The following MMP26 variants were observed in gnomAD, a reference collection of about 807,000 sequenced individuals.
MMP26 encodes the protein matrix metallopeptidase 26, also known as matrix metalloproteinase-26.
MMP26 carries 33 observed loss-of-function variants against 31.0 expected under a neutral mutation model. That is an observed-to-expected ratio of 1.06 (90% CI 0.81 to 1.42). The LOEUF (loss-of-function observed/expected upper bound fraction) is 1.42. Among genes scored for constraint, MMP26 ranks in the 40% most tolerant of loss-of-function variants. MMP26 has a pLI of 0.00. For missense variants in MMP26, 347 were observed against 316.1 expected, an observed-to-expected ratio of 1.10 and a Z score of -0.74; for synonymous variants, 122 against 114.9, an observed-to-expected ratio of 1.06 and a Z score of -0.40.
intron 2 of MMP26, among the ~76,000 whole-genome samples, chr11:4,892,482 A>T (rs1850639468): frequency 1.3e-5 from 2 of 152,182 alleles, no homozygotes; most frequent in Admixed American, 1.3e-4. Context: ...TGTGTCTGCC[A>T]TCCACAGTAG....
intron 2 of MMP26, among the ~76,000 whole-genome samples, chr11:4,926,382 T>A (rs1488851414): frequency 3.9e-5 from 6 of 152,148 alleles, no homozygotes; most frequent in African/African-American, 1.4e-4. Context: ...CAAGCCCTTA[T>A]GGGAGAGAGA....
At chr11:4,858,360 T>G (rs1256374527) in intron 2 of MMP26, among the ~76,000 whole-genome samples, 1 of 152,198 alleles carries the variant, frequency 6.6e-6, no homozygotes, top group Non-Finnish European at 1.5e-5. Context: ...CTTAAGCTGA[T>G]AAGCAGCTTC....
At chr11:4,898,684 T>C (rs1444722510) in intron 2 of MMP26, among the ~76,000 whole-genome samples, 1 of 152,204 alleles carries the variant, frequency 6.6e-6, no homozygotes, top group African/African-American at 2.4e-5. Flanking sequence ...AAAGTGTCCA[T>C]AGGTATGTTT....
intron 1 of MMP26, among the ~76,000 whole-genome samples, chr11:4,709,110 C>T (rs1847823563): frequency 6.6e-6 from 1 of 152,026 alleles, no homozygotes; most frequent in African/African-American, 2.4e-5. Flanking sequence ...GTCACATGGA[C>T]TTATAAACTT....
chr11:4,913,656 C>T (rs1012230064), intron 2 of MMP26: 5 of 152,224 alleles, frequency 3.3e-5, no homozygotes, highest in Admixed American at 2.0e-4. Context: ...GTCAGTACCT[C>T]AATCTGTTTC....
intron 2 of MMP26, among the ~76,000 whole-genome samples, chr11:4,844,592 A>G (rs534956328): frequency 6.6e-6 from 1 of 152,294 alleles, no homozygotes; most frequent in African/African-American, 2.4e-5. Flanking sequence ...TCCCTGGGAC[A>G]CAAGAATGGT....
rs185724480 is a variant in MMP26, at chr11:4,845,455, A to G, written c.-145+78114A>G. Among the ~76,000 whole-genome samples the G allele has an allele frequency of 3.3e-3, 509 of 152,256 alleles. 1 individual carries two copies. Among genetic ancestry groups the G allele is most frequent in the Non-Finnish European group, 4.8e-3 (325 of 67,954 alleles). On this transcript the variant is annotated intron_variant, in intron 2 of 7. Transcript: ENST00000380390. ...AATAACCAGAATAGCCAAATTATTTAAGTGAAAACTACTACAGAAAACTTT... is the reference window on the plus strand; with the variant it reads ...AATAACCAGAATAGCCAAATTATTTGAGTGAAAACTACTACAGAAAACTTT...
chr11:4,965,988 G>A (rs58983267), intron 2 of MMP26, among the ~76,000 whole-genome samples: 3,234 of 152,076 alleles, frequency 0.021, 97 homozygotes, highest in African/African-American at 0.074. Context: ...TTTTTATACC[G>A]TTTAAGCACC....
chr11:4,731,923 T>C (rs77334976), intron 1 of MMP26, among the ~76,000 whole-genome samples: 9,976 of 152,230 alleles, frequency 0.066, 397 homozygotes, highest in Non-Finnish European at 0.096. Flanking sequence ...GACTATTAGC[T>C]CTTTATCTGG....
chr11:4,979,049 A>G (rs1460359043), intron 2 of MMP26, among the ~76,000 whole-genome samples: 1 of 152,132 alleles, frequency 6.6e-6, no homozygotes, highest in African/African-American at 2.4e-5. Flanking sequence ...GTCACAAAAT[A>G]TAGAATTTAA....
chr11:4,778,898 A>T (rs1848823194), intron 2 of MMP26, among the ~76,000 whole-genome samples: 1 of 151,994 alleles, frequency 6.6e-6, no homozygotes, highest in Non-Finnish European at 1.5e-5. Context: ...ATAGACATAC[A>T]ATTGATAGTT....
At position 4,726,386 on chromosome 11, in the gene MMP26, C is replaced by T. The variant is rs1003372683; in HGVS notation, c.-217+21341C>T. Among the ~76,000 whole-genome samples, 3 of 151,744 alleles carry T rather than the reference C, an allele frequency of 2.0e-5. No individual in the cohort carries two copies. In the East Asian group the frequency reaches 5.8e-4, roughly 30 times the overall value. ...CTGAGGCACGAGAATCACTCGAACC[C>T]GGGAGACGGAGGTTGAAATGAGCCG... On this transcript the variant is annotated intron_variant, in intron 1 of 7. Coordinates refer to ENST00000380390, the MANE Select transcript of MMP26 (RefSeq NM_021801.5).
chr11:4,925,919 G>A lies in MMP26; in HGVS notation c.-144-62149G>A, dbSNP rs115359890. Among the ~76,000 whole-genome samples the A allele has an allele frequency of 4.5e-3, 688 of 152,254 alleles. 6 individuals carry two copies. The highest frequency in any genetic ancestry group is 0.016 in the African/African-American group (655 of 41,550). ...CATTGTAAGGGCTTACCTTATTAGTGGGTGAGGAGGATTAAGTAAAAAGTT... is the reference window on the plus strand; with the variant it reads ...CATTGTAAGGGCTTACCTTATTAGTAGGTGAGGAGGATTAAGTAAAAAGTT... On this transcript the variant is annotated intron_variant, in intron 2 of 7. Coordinates refer to ENST00000380390, the MANE Select transcript of MMP26 (RefSeq NM_021801.5).
chr11:4,790,362 C>CA (rs1238751053), intron 2 of MMP26, among the ~76,000 whole-genome samples: 19 of 151,280 alleles, frequency 1.3e-4, no homozygotes, highest in South Asian at 1.3e-3. Flanking sequence ...AACAAACAAA[C>CA]AAAAAAAAGC....
At chr11:4,946,425 C>T in intron 2 of MMP26, 2 of 1,609,584 alleles carry the variant, frequency 1.2e-6, no homozygotes, top group Non-Finnish European at 1.7e-6. Flanking sequence ...ATTCCCAGTA[C>T]AGTCTTGAGG....
intron 2 of MMP26, among the ~76,000 whole-genome samples, chr11:4,905,511 C>T (rs1351383901): frequency 6.6e-6 from 1 of 152,088 alleles, no homozygotes; most frequent in African/African-American, 2.4e-5. Context: ...TCCAGTGTCT[C>T]CTGTGTTTTC....
intron 1 of MMP26, among the ~76,000 whole-genome samples, chr11:4,730,268 A>C (rs1445370720): frequency 6.6e-6 from 1 of 152,202 alleles, no homozygotes; most frequent in Non-Finnish European, 1.5e-5. Flanking sequence ...GATAGGTGCA[A>C]CCTGATTTCT....
chr11:4,889,791 T>A (rs960569912), intron 2 of MMP26: 1 of 171,814 alleles, frequency 5.8e-6, no homozygotes, highest in Non-Finnish European at 1.3e-5. Flanking sequence ...GCATAGAAGA[T>A]AAGCACAGCA....
At chr11:4,817,635 G>T (rs761267539) in intron 2 of MMP26, among the ~76,000 whole-genome samples, 4 of 151,912 alleles carry the variant, frequency 2.6e-5, no homozygotes, top group Non-Finnish European at 4.4e-5. Context: ...TTCATATTTT[G>T]GGGGAAAAAT....
Sources: allele counts gnomAD v4.1 joint callset (sites outside exome capture counted in the v4.1 genomes callset), GRCh38; gene constraint gnomAD v4.1.1; transcripts MANE v1.5; gene names NCBI Gene and HGNC (gene_info 2026-07-23, HGNC 2026-07-21).